SSPN: variants seen among roughly 807,000 people sequenced by gnomAD.
SSPN encodes the protein K-ras oncogene-associated protein.
In SSPN, 15 loss-of-function variants were observed where a neutral mutation model predicts 19.1. That is an observed-to-expected ratio of 0.78 (90% CI 0.52 to 1.21). SSPN has a LOEUF of 1.21. Among genes scored for constraint, SSPN ranks in the 50% most tolerant of loss-of-function variants. The pLI is 0.00. For missense variants in SSPN, 291 were observed against 314.0 expected, an observed-to-expected ratio of 0.93 and a Z score of 0.55; for synonymous variants, 147 against 140.3, an observed-to-expected ratio of 1.05 and a Z score of -0.34.
chr12:26,147,266 G>T (rs548483736), intron 1 of SSPN, among the ~76,000 whole-genome samples: 325 of 128,524 alleles, frequency 2.5e-3, no homozygotes, highest in East Asian at 9.0e-3. Flanking sequence ...TAATTTTTGG[G>T]GTTTTTTTTG....
In SSPN at chr12:26,123,006, G is replaced by A. The variant is rs764541939; in HGVS notation, c.-31+854G>A. On this transcript the variant is annotated intron_variant, in intron 1 of 2. Transcript: ENST00000538142. ...CTGCGGGGTGGGCAAGAACTGGGTG[G>A]CCACGGCGTGCAAGTGGTTGATCAG... 15 of 1,567,996 alleles carry A rather than the reference G, an allele frequency of 9.6e-6. No homozygotes were observed. The highest frequency in any genetic ancestry group is 1.2e-5 in the Non-Finnish European group (14 of 1,155,962).
intron 1 of SSPN, among the ~76,000 whole-genome samples, chr12:26,206,594 G>A (rs1037287130): frequency 3.3e-5 from 5 of 152,194 alleles, no homozygotes; most frequent in African/African-American, 1.2e-4. Context: ...GCTAAGTAAT[G>A]AAATCCAGCC....
chr12:26,208,866 C>T (rs978799934), intron 1 of SSPN, among the ~76,000 whole-genome samples: 1 of 152,042 alleles, frequency 6.6e-6, no homozygotes, highest in Admixed American at 6.6e-5. Context: ...GTCAAGTTTC[C>T]ATATTAGATT....
intron 1 of SSPN, chr12:26,123,282 G>C: frequency 7.4e-7 from 1 of 1,347,854 alleles, no homozygotes; most frequent in Non-Finnish European, 9.9e-7. Flanking sequence ...AAGTGATCTC[G>C]GTTTTTCCCC....
upstream of SSPN, chr12:26,195,304 G>A (rs1052514851): frequency 1.0e-4 from 23 of 222,930 alleles, no homozygotes; most frequent in Admixed American, 2.9e-4. Flanking sequence ...AAACAATCCT[G>A]GAGTTTTGAG....
At chr12:26,124,253 GCCCCC>G in intron 1 of SSPN, 1 of 785,870 alleles carries the variant, frequency 1.3e-6, no homozygotes, top group East Asian at 2.8e-5. Context: ...ACCCTCGTCT[GCCCCC>G]CCCGCCCCCC....
At chr12:26,141,743 G>A (rs561105593) in intron 1 of SSPN, among the ~76,000 whole-genome samples, 10 of 152,270 alleles carry the variant, frequency 6.6e-5, no homozygotes, top group African/African-American at 2.4e-4. Flanking sequence ...TGAACTTCAG[G>A]AAGTCAGGTA....
chr12:26,205,737 T>C (rs1394816388), intron 1 of SSPN, among the ~76,000 whole-genome samples: 4 of 152,210 alleles, frequency 2.6e-5, no homozygotes, highest in Non-Finnish European at 5.9e-5. Context: ...GGCAAATGTA[T>C]GATCATAAAT....
chr12:26,153,121 ACT>A, intron 1 of SSPN, among the ~76,000 whole-genome samples: 1 of 151,460 alleles, frequency 6.6e-6, no homozygotes, highest in Non-Finnish European at 1.5e-5. Flanking sequence ...CCATATCACC[ACT>A]CTCCGTCATA....
intron 1 of SSPN, among the ~76,000 whole-genome samples, chr12:26,128,563 A>G (rs1255440679): frequency 6.6e-6 from 1 of 152,212 alleles, no homozygotes; most frequent in Non-Finnish European, 1.5e-5. Flanking sequence ...GGAAAAGTTC[A>G]CCTGTGGTGA....
intron 1 of SSPN, chr12:26,124,937 T>TCC (rs200202440): frequency 5.3e-6 from 4 of 751,464 alleles, no homozygotes; most frequent in African/African-American, 1.7e-5. Flanking sequence ...AAGCAGTTGG[T>TCC]CCCCCCCCTC....
Position 26,214,890 on chromosome 12 carries a change from C to CT in SSPN, c.280-9400dup, listed in dbSNP as rs1355579527. 13 of 1,884 alleles carry CT rather than the reference C, an allele frequency of 6.9e-3. No individual in the cohort carries two copies. In the Non-Finnish European group the frequency reaches 0.11, roughly 17 times the overall value. 0.1% of individuals were successfully genotyped at this position (1,884 alleles called of 1,614,324 possible). Reference sequence around the variant, plus strand: ...ATGTGATTAACACCAAAAATTTTGCCTTTAAAAAAAAACACATTGGGGGAA... The same window carrying CT: ...ATGTGATTAACACCAAAAATTTTGCCTTTTAAAAAAAAACACATTGGGGGAA... On this transcript the variant is annotated intron_variant, in intron 1 of 2. Transcript: ENST00000242729.
upstream of SSPN, among the ~76,000 whole-genome samples, chr12:26,190,875 T>TA (rs925648464): frequency 1.3e-4 from 20 of 152,232 alleles, no homozygotes; most frequent in Non-Finnish European, 2.4e-4. Context: ...ACAGAAGACT[T>TA]ACTTCCATCA....
chr12:26,233,285 A>G lies in SSPN; in HGVS notation c.*2209A>G, dbSNP rs764201006. 3 of 151,322 alleles carry G rather than the reference A, an allele frequency of 2.0e-5. No individual in the cohort carries two copies. The highest frequency in any genetic ancestry group is 4.4e-5 in the Non-Finnish European group (3 of 67,972). 9.4% of individuals were successfully genotyped at this position (151,322 alleles called of 1,614,324 possible). A position where few individuals can be genotyped will look rare whatever the true frequency, so the allele number is the denominator to read the frequency against. ...CCTTTTTCTAAATAATGCAACTTGT[A>G]AGAGTTGACATTGTAATAAGCTTTA... On this transcript the variant is annotated 3_prime_UTR_variant, in exon 3 of 3. Coordinates refer to ENST00000242729, the MANE Select transcript of SSPN (RefSeq NM_005086.5). This position sits in a 1 kb window ranked among gnomAD's most constrained non-coding sequence, Gnocchi z 4.3.
intron 1 of SSPN, among the ~76,000 whole-genome samples, chr12:26,163,206 A>G (rs1436612482): frequency 6.6e-6 from 1 of 152,096 alleles, no homozygotes; most frequent in Non-Finnish European, 1.5e-5. Context: ...GTAGACCTGA[A>G]TGGACTAAGA....
chr12:26,224,452 T>C (rs1222515836), intron 2 of SSPN, 73 bp downstream of exon 2: 9 of 1,278,990 alleles, frequency 7.0e-6, no homozygotes, highest in Non-Finnish European at 1.0e-5. Flanking sequence ...AGGAGTGCCT[T>C]CTTAAGGGGT....
rs532803323 is a variant in SSPN at position 26,154,315 on chromosome 12, A to G, written c.-31+32163A>G. Among the ~76,000 whole-genome samples the G allele has an allele frequency of 1.2e-4, 18 of 152,340 alleles. No homozygotes were observed. The South Asian group carries it at 3.7e-3, about 32-fold the overall frequency. On this transcript the variant is annotated intron_variant, in intron 1 of 2. Coordinates refer to the SSPN transcript ENST00000538142. ...TTTTTGAGGACAGACCATGTGTGTT[A>G]TTCACCATTGCACAGAGTACCTAGC...
chr12:26,154,141 A>T (rs1260291643), intron 1 of SSPN, among the ~76,000 whole-genome samples: 1 of 152,246 alleles, frequency 6.6e-6, no homozygotes, highest in Non-Finnish European at 1.5e-5. Context: ...GCAGTTGCTC[A>T]AAAAGGTACT....
chr12:26,234,563 T>C lies in SSPN; in HGVS notation c.*3487T>C, dbSNP rs1591903324. The C allele has an allele frequency of 3.3e-5, 5 of 152,274 alleles. No homozygotes were observed. In the South Asian group the frequency reaches 1.0e-3, roughly 31 times the overall value. The allele number at this position is 152,274 out of a possible 1,614,324, so 9.4% of individuals were successfully genotyped here. The stretch of plus-strand genomic sequence containing the variant: ...TTTGAAATGAATACCTTGAATCATT[T>C]CTTCTGATTTTCTAGTAGTTTATTA... On this transcript the variant is annotated 3_prime_UTR_variant, in exon 3 of 3. Transcript: ENST00000242729.
Sources: allele counts gnomAD v4.1 joint callset (sites outside exome capture counted in the v4.1 genomes callset), GRCh38; gene constraint gnomAD v4.1.1; non-coding constraint Gnocchi (gnomAD v3.1); transcripts MANE v1.5; gene names NCBI Gene and HGNC (gene_info 2026-07-23, HGNC 2026-07-21).